Variants in TENM2 observed in about 807,000 individuals in gnomAD.
TENM2 encodes the protein teneurin transmembrane protein 2.
In TENM2, 52 loss-of-function variants were observed where a neutral mutation model predicts 245.2. That is an observed-to-expected ratio of 0.21 (90% CI 0.17 to 0.27). The LOEUF is 0.27. Ranked by LOEUF, TENM2 falls within the 10% of genes least tolerant of loss-of-function variation. The pLI, the probability that TENM2 is intolerant of heterozygous loss-of-function variation, is 1.00. For synonymous variants in TENM2, 1,363 were observed against 1,438.9 expected, an observed-to-expected ratio of 0.95 and a Z score of 1.19; for missense variants, 3,046 against 3,666.8, an observed-to-expected ratio of 0.83 and a Z score of 4.37.
At chr5:167,077,520 C>G in the TENM2 span, among the ~76,000 whole-genome samples, 1 of 152,010 alleles carries the variant, frequency 6.6e-6, no homozygotes, top group East Asian at 1.9e-4. Flanking sequence ...ACTTTTTGGA[C>G]AAGAAAATAA....
intron 2 of TENM2, among the ~76,000 whole-genome samples, chr5:167,448,507 A>G (rs554391975): frequency 1.3e-5 from 2 of 149,280 alleles, no homozygotes; most frequent in African/African-American, 5.0e-5. Flanking sequence ...AAAAAAAAGT[A>G]TCTTGCTATC....
chr5:168,017,442 C>A (rs886475049), intron 5 of TENM2, among the ~76,000 whole-genome samples: 21 of 152,248 alleles, frequency 1.4e-4, no homozygotes, highest in African/African-American at 5.1e-4. Context: ...CGTGACAGAC[C>A]ATTGAGAAGT....
the TENM2 span, among the ~76,000 whole-genome samples, chr5:167,206,326 C>A: frequency 2.0e-5 from 3 of 152,102 alleles, no homozygotes; most frequent in Admixed American, 6.5e-5. Flanking sequence ...TTTATTATTT[C>A]TCTCCCTGCC....
chr5:168,009,434 A>G (rs970388297), intron 5 of TENM2, among the ~76,000 whole-genome samples: 3 of 152,204 alleles, frequency 2.0e-5, no homozygotes, highest in Admixed American at 6.5e-5. Flanking sequence ...GGTGAGATGG[A>G]TGAAGTTAGT....
At chr5:168,119,802 A>G (rs549617191) in intron 10 of TENM2, among the ~76,000 whole-genome samples, 25 of 152,194 alleles carry the variant, frequency 1.6e-4, no homozygotes, top group Non-Finnish European at 3.1e-4. Context: ...ACTAAGGGGA[A>G]AAAGTGAAGC....
the TENM2 span, among the ~76,000 whole-genome samples, chr5:167,224,380 G>C: frequency 9.9e-5 from 15 of 152,034 alleles, no homozygotes; most frequent in African/African-American, 3.6e-4. Context: ...GTGAGAGATA[G>C]GTGTTGAGTC....
chr5:167,718,258 TG>T (rs1259462240), intron 2 of TENM2, among the ~76,000 whole-genome samples: 1 of 152,210 alleles, frequency 6.6e-6, no homozygotes, highest in African/African-American at 2.4e-5. Flanking sequence ...GCTGTGGAAC[TG>T]GCCCTGCTCC....
chr5:167,983,309 AG>A (rs1268556551), intron 4 of TENM2, among the ~76,000 whole-genome samples: 4 of 152,184 alleles, frequency 2.6e-5, no homozygotes, highest in African/African-American at 4.8e-5. Context: ...CATTTCATGG[AG>A]GAAAAAAAAA....
chr5:168,165,869 C>T (rs1758247171), intron 13 of TENM2: 2 of 150,940 alleles, frequency 1.3e-5, no homozygotes, highest in Admixed American at 6.6e-5. Flanking sequence ...TTGCTTATGT[C>T]AGGTGAGAGG....
intron 7 of TENM2, among the ~76,000 whole-genome samples, chr5:168,065,719 A>G (rs949116518): frequency 3.3e-5 from 5 of 152,098 alleles, no homozygotes; most frequent in Admixed American, 3.3e-4. Flanking sequence ...AACAAAAGAA[A>G]AAAGTAAAAA....
At chr5:167,403,479 T>C (rs1271766527) in intron 2 of TENM2, among the ~76,000 whole-genome samples, 1 of 152,196 alleles carries the variant, frequency 6.6e-6, no homozygotes, top group Non-Finnish European at 1.5e-5. Flanking sequence ...TTCCTTCTAA[T>C]GATTTCCCCA....
intron 20 of TENM2, 149 bp from the exon 23 acceptor site, chr5:168,214,891 G>A (rs747295525): frequency 1.4e-6 from 1 of 717,650 alleles, no homozygotes; most frequent in Non-Finnish European, 2.5e-6. Flanking sequence ...TTAGAACACT[G>A]AGTTTGATGT....
chr5:167,807,635 AAAAAG>A (rs1411965489), intron 2 of TENM2, among the ~76,000 whole-genome samples: 22 of 129,178 alleles, frequency 1.7e-4, no homozygotes, highest in Non-Finnish European at 3.0e-4. Context: ...AAAAAAAAAA[AAAAAG>A]AGACAGAACC....
intron 2 of TENM2, among the ~76,000 whole-genome samples, chr5:167,752,384 G>A (rs1834118): frequency 0.57 from 85,714 of 151,044 alleles, 27,125 homozygotes; most frequent in Non-Finnish European, 0.73. Flanking sequence ...AAAGTGCTGG[G>A]ATTACTTGTG....
At chr5:168,141,122 C>A (rs1053929845) in intron 12 of TENM2, among the ~76,000 whole-genome samples, 1 of 152,112 alleles carries the variant, frequency 6.6e-6, no homozygotes, top group African/African-American at 2.4e-5. Flanking sequence ...CAGAGAATTC[C>A]TTGGGCTTTG....
At chr5:168,126,782 C>T (rs770869660) in exon 12 of TENM2, 30 of 1,612,688 alleles carry the variant, frequency 1.9e-5, no homozygotes, top group East Asian at 8.9e-5. Flanking sequence ...GTGGCACTCA[C>T]GGCGTCTGCA....
chr5:168,073,213 T>C (rs1239709889), intron 7 of TENM2, among the ~76,000 whole-genome samples: 1 of 152,198 alleles, frequency 6.6e-6, no homozygotes, highest in East Asian at 1.9e-4. Context: ...TCACATAACA[T>C]GTTCAACAAA....
chr5:167,645,184 C>T (rs1415754945), intron 2 of TENM2, among the ~76,000 whole-genome samples: 2 of 152,156 alleles, frequency 1.3e-5, no homozygotes, highest in Admixed American at 6.5e-5. Flanking sequence ...GTCAAGTGAC[C>T]TCTTAGGACT....
At chr5:167,517,196 C>T (rs918017221) in intron 2 of TENM2, among the ~76,000 whole-genome samples, 3 of 152,190 alleles carry the variant, frequency 2.0e-5, no homozygotes, top group Non-Finnish European at 4.4e-5. Flanking sequence ...TCCCTATTTA[C>T]ATACCCGTCT....
Sources: gnomAD v4.1 joint callset for allele counts (sites outside exome capture counted in the v4.1 genomes callset) on GRCh38, gnomAD v4.1.1 for gene constraint, MANE v1.5 for transcripts, NCBI Gene and HGNC (gene_info 2026-07-23, HGNC 2026-07-21) for gene names.